Variants in LIFR observed in about 807,000 individuals in gnomAD.
LIFR encodes leukemia inhibitory factor receptor.
LIFR carries 84 observed loss-of-function variants against 122.2 expected under a neutral mutation model. The ratio of observed to expected loss-of-function variants is 0.69; its 90% CI spans 0.58 to 0.82. LIFR has a LOEUF of 0.82. Among genes scored for constraint, LIFR ranks in the 40% least tolerant of loss-of-function variants. The pLI, the probability that LIFR is intolerant of heterozygous loss-of-function variation, is 0.00. For synonymous variants in LIFR, 422 were observed against 434.7 expected, an observed-to-expected ratio of 0.97 and a Z score of 0.36; for missense variants, 1,294 against 1,311.6, an observed-to-expected ratio of 0.99 and a Z score of 0.21.
At chr5:38,551,969 G>A (rs1748227993) in intron 1 of LIFR, among the ~76,000 whole-genome samples, 3 of 152,126 alleles carry the variant, frequency 2.0e-5, no homozygotes, top group East Asian at 1.9e-4. Context: ...ACTTTAACTC[G>A]GGCATCTAAG....
chr5:38,533,745 C>T (rs890606046), intron 1 of LIFR, among the ~76,000 whole-genome samples: 7 of 152,074 alleles, frequency 4.6e-5, no homozygotes, highest in South Asian at 2.1e-4. Context: ...GATCAGGAAA[C>T]GTGACAGAGA....
chr5:38,518,698 T>C (rs1746237825), intron 5 of LIFR, among the ~76,000 whole-genome samples: 1 of 152,242 alleles, frequency 6.6e-6, no homozygotes, highest in Non-Finnish European at 1.5e-5. Context: ...TGTACTACAC[T>C]TTCTATCATT....
chr5:38,580,866 G>A (rs1251851921), intron 1 of LIFR, among the ~76,000 whole-genome samples: 1 of 152,146 alleles, frequency 6.6e-6, no homozygotes, highest in African/African-American at 2.4e-5. Flanking sequence ...GACTCGAGAT[G>A]TTCTTCTCTA....
intron 1 of LIFR, among the ~76,000 whole-genome samples, chr5:38,586,463 GTAGT>G (rs1749753519): frequency 6.6e-6 from 1 of 152,130 alleles, no homozygotes; most frequent in Non-Finnish European, 1.5e-5. Context: ...AATTCTAACT[GTAGT>G]TAGAGTGTTC....
chr5:38,481,793 G>A lies in LIFR; in HGVS notation c.3096C>T (p.Ala1032=). Residue 1032 remains alanine, a synonymous_variant, in exon 20 of 20, where the codon GCC becomes GCT. Transcript: ENST00000453190. ...LDKTAGYRPQ[A]NVNTWNLVSP... is the part of the protein sequence containing the mutation. ...ACACTAAATTCCATGTATTTACATT[G>A]GCCTGAGGTCTGTAACCCGCAGTTT... is the stretch of plus-strand genomic sequence containing the variant. The A allele has an allele frequency of 6.2e-7, 1 of 1,613,996 alleles. No individual in the cohort carries two copies. Among genetic ancestry groups the A allele is most frequent in the South Asian group, 1.1e-5 (1 of 91,068 alleles).
chr5:38,506,757 C>A, intron 7 of LIFR, 125 bp from the exon 8 acceptor site: 1 of 806,364 alleles, frequency 1.2e-6, no homozygotes. Flanking sequence ...TTACATTTTA[C>A]TTTTGAATAA....
chr5:38,489,830 CAA>C (rs35145667), intron 15 of LIFR, among the ~76,000 whole-genome samples: 7 of 116,930 alleles, frequency 6.0e-5, no homozygotes, highest in South Asian at 2.7e-4. Context: ...CTCATCTCTA[CAA>C]AAAAAAAAAA....
intron 1 of LIFR, among the ~76,000 whole-genome samples, chr5:38,569,312 C>A (rs1749130719): frequency 6.6e-6 from 1 of 152,158 alleles, no homozygotes; most frequent in Non-Finnish European, 1.5e-5. Flanking sequence ...TCTTCAAGAG[C>A]CAGATGTCAT....
chr5:38,543,866 C>T (rs372259386), intron 1 of LIFR, among the ~76,000 whole-genome samples: 4 of 152,140 alleles, frequency 2.6e-5, no homozygotes, highest in African/African-American at 9.7e-5. Flanking sequence ...TCCAGATATA[C>T]GTACAACTTG....
At chr5:38,517,856 C>CAAAAAAAAAAACAAA in intron 5 of LIFR, among the ~76,000 whole-genome samples, 1 of 15,048 alleles carries the variant, frequency 6.6e-5, no homozygotes, top group Non-Finnish European at 1.0e-4. Flanking sequence ...GACACTGTCT[C>CAAAAAAAAAAACAAA]AAAAAAAAAA....
At position 38,506,620 on chromosome 5, in the gene LIFR, G is replaced by A. The variant is rs769942217; in HGVS notation, c.1004C>T (p.Thr335Ile). Residue 335 changes from threonine (T) to isoleucine (I), a missense_variant, in exon 8 of 20, where the codon ACT becomes ATT. Coordinates refer to ENST00000453190, the MANE Select transcript of LIFR (RefSeq NM_001127671.2). ...TVIFAGYPPD[T>I]PQQLNCETHD... ...TGTCTCACAATTCAGTTGTTGAGGA[G>A]TATCTGGTGGATCTAACAGAAAAAA... 16 of 1,612,380 alleles carry A rather than the reference G, an allele frequency of 9.9e-6. No homozygotes were observed. Among genetic ancestry groups the A allele is most frequent in the Non-Finnish European group, 1.4e-5 (16 of 1,178,686 alleles).
At chr5:38,598,903 A>T (rs1257266828), upstream of LIFR, among the ~76,000 whole-genome samples, 1 of 152,250 alleles carries the variant, frequency 6.6e-6, no homozygotes, top group Non-Finnish European at 1.5e-5. Context: ...GGTTAAAACC[A>T]TAAGATAATT....
chr5:38,493,616 TAC>T lies in LIFR; in HGVS notation c.2053_2054del (p.Val685AsnfsTer4), dbSNP rs2112416721. 1.2e-6 allele frequency: 2 copies of T among 1,614,014 alleles called. No homozygotes were observed. Among genetic ancestry groups the T allele is most frequent in the Non-Finnish European group, 1.7e-6 (2 of 1,179,838 alleles). ...ACTAATTCATCTTACCAGATTCTAT[TAC>T]AGTTTCAGTGCTGTTTGAGGGAACT... ...RKVPSNSTET[V>X]IESDEFRPGI... On this transcript the variant is annotated frameshift_variant, in exon 14 of 20. Coordinates refer to ENST00000453190, the MANE Select transcript of LIFR (RefSeq NM_001127671.2). LOFTEE classifies it high-confidence loss of function.
rs1749623857 is a variant in LIFR at position 38,582,645 on chromosome 5, A to C, written c.-20+12616T>G. ...AGCAAAATTATCTCCATGAACCACC[A>C]GTAAGCTTCATCTTTAGTAACCTTT... On this transcript the variant is annotated intron_variant, in intron 1 of 19. Coordinates refer to the LIFR transcript ENST00000263409. Among the ~76,000 whole-genome samples the C allele has an allele frequency of 3.3e-5, 5 of 152,326 alleles. No individual in the cohort carries two copies. The South Asian group carries it at 1.0e-3, about 32-fold the overall frequency.
intron 1 of LIFR, among the ~76,000 whole-genome samples, chr5:38,538,523 C>G (rs1318948639): frequency 6.6e-6 from 1 of 152,152 alleles, no homozygotes; most frequent in Non-Finnish European, 1.5e-5. Context: ...GCTCACTTTC[C>G]CCTCCAAACC....
Position 38,510,652 on chromosome 5 carries a change from GT to G in LIFR, c.802del (p.Thr268HisfsTer5). ...DKVILVGSDI[T>X]FCCVSQEKVL... Reference sequence around the variant, plus strand: ...TTTTTCTTGACTCACACAACAAAATGTTATGTCTGAGCCTACAAGTATCACT... The same window carrying G: ...TTTTTCTTGACTCACACAACAAAATGTATGTCTGAGCCTACAAGTATCACT... On this transcript the variant is annotated frameshift_variant, in exon 7 of 20. Coordinates refer to ENST00000453190, the MANE Select transcript of LIFR (RefSeq NM_001127671.2). LOFTEE classifies it high-confidence loss of function. 6.2e-7 allele frequency: 1 copy of G among 1,613,768 alleles called. No individual in the cohort carries two copies. The highest frequency in any genetic ancestry group is 1.7e-5 in the Admixed American group (1 of 60,010).
chr5:38,585,752 G>A (rs1016279322), intron 1 of LIFR, among the ~76,000 whole-genome samples: 1 of 151,758 alleles, frequency 6.6e-6, no homozygotes, highest in African/African-American at 2.4e-5. Flanking sequence ...AAGCATCTAG[G>A]TCAGCTCATA....
chr5:38,530,327 G>C (rs1746933257), intron 2 of LIFR, among the ~76,000 whole-genome samples, 179 bp downstream of exon 2: 1 of 151,978 alleles, frequency 6.6e-6, no homozygotes, highest in Non-Finnish European at 1.5e-5. Context: ...ATAATATTTT[G>C]ATCTATCATT....
rs947956308 is a variant in LIFR, at chr5:38,556,317, C to G, written c.-20+17G>C. On this transcript the variant is annotated intron_variant, in intron 1 of 19. Coordinates refer to ENST00000453190, the MANE Select transcript of LIFR (RefSeq NM_001127671.2). Reference sequence around the variant, plus strand: ...CTCCCCTGCTCCGCGCCGCGCCCACCCGCCCCCAGGACTCACGGTACGCTC... The same window carrying G: ...CTCCCCTGCTCCGCGCCGCGCCCACGCGCCCCCAGGACTCACGGTACGCTC... 6.6e-6 allele frequency: 1 copy of G among 152,116 alleles called. No individual in the cohort carries two copies. Among genetic ancestry groups the G allele is most frequent in the African/African-American group, 2.4e-5 (1 of 41,374 alleles). 9.4% of individuals were successfully genotyped at this position (152,116 alleles called of 1,614,324 possible).
Sources: allele counts gnomAD v4.1 joint callset (sites outside exome capture counted in the v4.1 genomes callset), GRCh38; gene constraint gnomAD v4.1.1; transcripts MANE v1.5; gene names NCBI Gene and HGNC (gene_info 2026-07-23, HGNC 2026-07-21).